Variants in RNF213 observed in about 807,000 individuals in gnomAD.
RNF213 encodes ring finger protein 213.
Under a neutral mutation model 514.4 loss-of-function variants are expected in RNF213, and 341 were observed. The ratio of observed to expected loss-of-function variants is 0.66; its 90% confidence interval spans 0.61 to 0.73. The LOEUF (loss-of-function observed/expected upper bound fraction) is 0.73, where lower values mean the gene tolerates loss of function less well. Among genes scored for constraint, RNF213 ranks in the 30% least tolerant of loss-of-function variants. RNF213 has a pLI of 0.00. For synonymous variants in RNF213, 2,655 were observed against 2,658.2 expected, an observed-to-expected ratio of 1.00 and a Z score of 0.04; for missense variants, 5,767 against 6,615.6, an observed-to-expected ratio of 0.87 and a Z score of 4.45.
intron 56 of RNF213, 30 bp downstream of exon 56, chr17:80,381,017 T>G (rs765850988): frequency 1.2e-6 from 2 of 1,613,358 alleles, no homozygotes; most frequent in Non-Finnish European, 8.5e-7. Flanking sequence ...AACAATGGGC[T>G]CAGTTAAGAA....
intron 51 of RNF213, 131 bp from the exon 52 acceptor site, chr17:80,376,170 C>T: frequency 4.7e-6 from 5 of 1,058,790 alleles, no homozygotes; most frequent in South Asian, 1.4e-5. Flanking sequence ...TGAAAAATTT[C>T]CCCCTCAAAT....
chr17:80,396,240 TGACAGAGTGA>T lies in RNF213; in HGVS notation c.*2746_*2755del, dbSNP rs1201488575. On this transcript the variant is annotated 3_prime_UTR_variant, in exon 68 of 68. Transcript: ENST00000582970. ...TTGCACCACTGCACTCCAACCTGGG[TGACAGAGTGA>T]GACCCTGTCTCAAAAAAAAATAAAA... 1.3e-5 allele frequency: 2 copies of T among 149,200 alleles called. No individual in the cohort carries two copies. Among genetic ancestry groups the T allele is most frequent in the African/African-American group, 5.0e-5 (2 of 39,780 alleles). 9.2% of individuals were successfully genotyped at this position (149,200 alleles called of 1,614,324 possible).
chr17:80,366,782 A>G (rs906471254), intron 42 of RNF213, among the ~76,000 whole-genome samples: 7 of 152,240 alleles, frequency 4.6e-5, no homozygotes, highest in Non-Finnish European at 2.9e-5. Flanking sequence ...GGAAAGAAAT[A>G]CCCTTGTCAA....
In RNF213 at chr17:80,377,858, G is replaced by A; in HGVS notation, c.13545+62G>A. ...GCGTGCACTCCTGGGTTGGAGGAGG[G>A]GGATCGTGGGTCAGGAGAGTGAGGC... On this transcript the variant is annotated intron_variant, in intron 54 of 67. Transcript: ENST00000582970. The surrounding 1 kb of genome is among the most constrained non-coding windows in gnomAD (Gnocchi z 4.1). The A allele has an allele frequency of 6.3e-7, 1 of 1,578,370 alleles. No individual in the cohort carries two copies. The highest frequency in any genetic ancestry group is 2.2e-5 in the East Asian group (1 of 44,698).
At position 80,343,437 on chromosome 17, in the gene RNF213, T is replaced by C. The variant is rs2078219749; in HGVS notation, c.6183+112T>C. 1.0e-6 allele frequency: 1 copy of C among 971,948 alleles called. No individual in the cohort carries two copies. The highest frequency in any genetic ancestry group is 1.6e-6 in the Non-Finnish European group (1 of 626,806). 60.2% of individuals were successfully genotyped at this position (971,948 alleles called of 1,614,324 possible). ...TTCCTTGTTTCCACACGCACAGTCC[T>C]GTGAAGCTTAACAGTGGGAATGTGC... On this transcript the variant is annotated intron_variant, in intron 27 of 67. Transcript: ENST00000582970. This position sits in a 1 kb window ranked among gnomAD's most constrained non-coding sequence, Gnocchi z 4.3.
rs1056433783 is a variant in RNF213, at chr17:80,398,608, G to A, written c.*5110G>A. The stretch of plus-strand genomic sequence containing the variant: ...ACAGCTGGTTTTAGACTCCCCACCC[G>A]CCCGCCCCAACAGTGGTTGAGAGAA... On this transcript the variant is annotated 3_prime_UTR_variant, in exon 68 of 68. Coordinates refer to ENST00000582970, the MANE Select transcript of RNF213 (RefSeq NM_001256071.3). 1.6e-3 allele frequency: 66 copies of A among 42,264 alleles called. No homozygotes were observed. Among genetic ancestry groups the A allele is most frequent in the Non-Finnish European group, 2.7e-3 (52 of 19,028 alleles). 2.6% of individuals were successfully genotyped at this position (42,264 alleles called of 1,614,324 possible).
intron 2 of RNF213, among the ~76,000 whole-genome samples, chr17:80,271,043 A>C (rs1194199085): frequency 6.6e-6 from 1 of 152,014 alleles, no homozygotes; most frequent in Non-Finnish European, 1.5e-5. Context: ...GTCAATCACT[A>C]GTGCCAGGGT....
rs150203726 is a variant in RNF213, at chr17:80,388,776, C to T, written c.15000+87C>T. On this transcript the variant is annotated intron_variant, in intron 64 of 67. Coordinates refer to ENST00000582970, the MANE Select transcript of RNF213 (RefSeq NM_001256071.3). ...CGTGTTAGGCCTACTCCAGCCTTGC[C>T]CCGGGTGTTTGCTGTGAGCCCACAG... 1,644 of 1,076,198 alleles carry T rather than the reference C, an allele frequency of 1.5e-3. 5 individuals are homozygous for T. The highest frequency in any genetic ancestry group is 3.2e-3 in the South Asian group (253 of 80,190). 66.7% of individuals were successfully genotyped at this position (1,076,198 alleles called of 1,614,324 possible). A position where few individuals can be genotyped will look rare whatever the true frequency, so the allele number is the denominator to read the frequency against.
At chr17:80,275,145 G>T (rs148300588) in intron 3 of RNF213, among the ~76,000 whole-genome samples, 56 of 145,992 alleles carry the variant, frequency 3.8e-4, no homozygotes, top group African/African-American at 1.4e-3. Flanking sequence ...GTGTGTGTGT[G>T]TTGGGAGTGT....
intron 10 of RNF213, among the ~76,000 whole-genome samples, chr17:80,297,707 A>G (rs2045009757): frequency 6.6e-6 from 1 of 151,458 alleles, no homozygotes; most frequent in South Asian, 2.1e-4. Flanking sequence ...GAATGGCGTG[A>G]ACCCGAGAGG....
Position 80,295,828 on chromosome 17 carries a change from T to G in RNF213, c.2012+15T>G. 1 of 1,614,012 alleles carries G rather than the reference T, an allele frequency of 6.2e-7. No individual in the cohort carries two copies. The highest frequency in any genetic ancestry group is 8.5e-7 in the Non-Finnish European group (1 of 1,179,898). ...ATACCTCAGAGGTATTATTATTTTT[T>G]GTCAAAATGTTTTTTATAGCTATTA... is the stretch of plus-strand genomic sequence containing the variant. On this transcript the variant is annotated intron_variant, in intron 10 of 67. Coordinates refer to ENST00000582970, the MANE Select transcript of RNF213 (RefSeq NM_001256071.3).
intron 38 of RNF213, 78 bp downstream of exon 38, chr17:80,360,284 G>A: frequency 6.7e-7 from 1 of 1,503,368 alleles, no homozygotes; most frequent in Non-Finnish European, 9.1e-7. Flanking sequence ...AAGCAGATGG[G>A]TGGCTAGAAT....
intron 25 of RNF213, among the ~76,000 whole-genome samples, 188 bp downstream of exon 25, chr17:80,338,185 A>G (rs1026171560): frequency 6.6e-6 from 1 of 152,194 alleles, no homozygotes; most frequent in African/African-American, 2.4e-5. Flanking sequence ...CCGCGGCCCC[A>G]GAGAGGTCTT....
intron 50 of RNF213, among the ~76,000 whole-genome samples, chr17:80,375,357 G>C (rs1383567096): frequency 6.6e-6 from 1 of 152,214 alleles, no homozygotes; most frequent in Non-Finnish European, 1.5e-5. Context: ...GCTGAGGCAT[G>C]TGAAAAGTTT....
chr17:80,354,175 C>T lies in RNF213; in HGVS notation c.10726+9C>T. On this transcript the variant is annotated intron_variant, in intron 35 of 67. Transcript: ENST00000582970. ...GGATGACGCGTGCCACGGTATGAGCCTCCCCACCCCTCTTGCCCCTGCCCC... is the reference window on the plus strand; with the variant it reads ...GGATGACGCGTGCCACGGTATGAGCTTCCCCACCCCTCTTGCCCCTGCCCC... 6.2e-7 allele frequency: 1 copy of T among 1,612,842 alleles called. No homozygotes were observed. Among genetic ancestry groups the T allele is most frequent in the Non-Finnish European group, 8.5e-7 (1 of 1,179,964 alleles).
intron 16 of RNF213, among the ~76,000 whole-genome samples, chr17:80,318,170 A>G (rs2046010376): frequency 6.6e-6 from 1 of 152,166 alleles, no homozygotes; most frequent in Non-Finnish European, 1.5e-5. Flanking sequence ...GGGTCTTTAT[A>G]GGCACAAGAT....
intron 55 of RNF213, among the ~76,000 whole-genome samples, chr17:80,380,274 G>A (rs747125859): frequency 3.3e-5 from 5 of 152,292 alleles, no homozygotes; most frequent in Non-Finnish European, 4.4e-5. Context: ...TGGGACCTGC[G>A]TGGGGGCCTC....
At chr17:80,277,595 C>CAAAAAAA (rs34659718) in intron 3 of RNF213, among the ~76,000 whole-genome samples, 1 of 69,726 alleles carries the variant, frequency 1.4e-5, no homozygotes, top group Non-Finnish European at 2.8e-5. Flanking sequence ...GACTCTGTCT[C>CAAAAAAA]AAAAAAAAAA....
chr17:80,266,256 A>C (rs779137672), intron 2 of RNF213, among the ~76,000 whole-genome samples: 5 of 151,186 alleles, frequency 3.3e-5, no homozygotes, highest in Non-Finnish European at 5.9e-5. Flanking sequence ...AGCCTAAGCA[A>C]CATGGTGGAG....
Sources: allele counts gnomAD v4.1 joint callset (sites outside exome capture counted in the v4.1 genomes callset), GRCh38; gene constraint gnomAD v4.1.1; non-coding constraint Gnocchi (gnomAD v3.1); transcripts MANE v1.5; gene names NCBI Gene and HGNC (gene_info 2026-07-23, HGNC 2026-07-21).